MS4A7: variants seen among roughly 807,000 people sequenced by gnomAD.
MS4A7 encodes the protein membrane spanning 4-domains A7.
In MS4A7, 21 loss-of-function variants were observed where a neutral mutation model predicts 23.5. The observed-to-expected ratio is 0.89, with a 90% CI of 0.63 to 1.29. The LOEUF (loss-of-function observed/expected upper bound fraction) is 1.29, where lower values mean the gene tolerates loss of function less well. Ranked by LOEUF, MS4A7 falls within the 50% of genes most tolerant of loss-of-function variation. The pLI is 0.00. For missense variants in MS4A7, 263 were observed against 274.2 expected (o/e 0.96, Z 0.29); for synonymous variants, 111 against 107.4 (o/e 1.03, Z -0.21).
At chr11:60,388,206 A>G (rs1342232841) in intron 4 of MS4A7, among the ~76,000 whole-genome samples, 1 of 152,222 alleles carries the variant, frequency 6.6e-6, no homozygotes, top group African/African-American at 2.4e-5. Flanking sequence ...TGGAGCCCAC[A>G]TTGTTGTCAA....
chr11:60,390,894 G>A (rs1384637868), intron 5 of MS4A7, among the ~76,000 whole-genome samples: 1 of 152,146 alleles, frequency 6.6e-6, no homozygotes, highest in Admixed American at 6.5e-5. Flanking sequence ...GTTGGAAGAA[G>A]AAAGGAAGGG....
At chr11:60,391,471 T>G (rs1417266177) in intron 5 of MS4A7, among the ~76,000 whole-genome samples, 3 of 152,060 alleles carry the variant, frequency 2.0e-5, no homozygotes, top group African/African-American at 7.2e-5. Flanking sequence ...ATAACCAAAA[T>G]ATTATGAGAA....
At chr11:60,387,046 T>C (rs2085499326) in intron 4 of MS4A7, among the ~76,000 whole-genome samples, 1 of 152,208 alleles carries the variant, frequency 6.6e-6, no homozygotes, top group South Asian at 2.1e-4. Context: ...TTAAAAAGTG[T>C]ACATTTTTAA....
chr11:60,380,518 A>T (rs2085417393), intron 1 of MS4A7, among the ~76,000 whole-genome samples: 1 of 152,260 alleles, frequency 6.6e-6, no homozygotes, highest in South Asian at 2.1e-4. Flanking sequence ...GATAGGCTAT[A>T]GCCTGAAAGT....
chr11:60,383,214 G>C lies in MS4A7; in HGVS notation c.73G>C (p.Glu25Gln), dbSNP rs1288904694. ...AAAGGGCATCACTATCCCTCAAAGA[G>C]AGAAACCTGGACACATGTACCAAAA... ...TPKGITIPQR[E>Q]KPGHMYQNED... The change falls in exon 2 of 7, where the codon GAG (glutamate) becomes CAG (glutamine). Residue 25 changes from glutamate (E) to glutamine (Q), a missense_variant. Glu to Gln is a conservative substitution (Grantham distance 29). Transcript: ENST00000300184. 6.2e-6 allele frequency: 10 copies of C among 1,614,048 alleles called. No homozygotes were observed. Among genetic ancestry groups the C allele is most frequent in the South Asian group, 1.1e-5 (1 of 91,088 alleles).
chr11:60,393,801 G>C lies in MS4A7; in HGVS notation c.663G>C (p.Ser221=). ...YSNNPGSSFS[S]TQSQDHIQQV... Reference sequence around the variant, plus strand: ...GTATTTTCTAGAGTTCATTTTCCTCGACCCAGTCACAAGATCATATCCAAC... The same window carrying C: ...GTATTTTCTAGAGTTCATTTTCCTCCACCCAGTCACAAGATCATATCCAAC... Residue 221 remains serine (S), a synonymous_variant, in exon 7 of 7, where the codon TCG becomes TCC. Transcript: ENST00000300184. 1 of 1,608,998 alleles carries C rather than the reference G, an allele frequency of 6.2e-7. No individual in the cohort carries two copies. The highest frequency in any genetic ancestry group is 8.5e-7 in the Non-Finnish European group (1 of 1,178,118).
chr11:60,383,712 G>A (rs2085454472), intron 2 of MS4A7: 1 of 152,518 alleles, frequency 6.6e-6, no homozygotes, highest in Non-Finnish European at 1.5e-5. Flanking sequence ...GCTAATTTTT[G>A]TATTCTTAGT....
At chr11:60,386,109 A>G (rs1196030381) in intron 3 of MS4A7, among the ~76,000 whole-genome samples, 1 of 152,204 alleles carries the variant, frequency 6.6e-6, no homozygotes, top group Non-Finnish European at 1.5e-5. Flanking sequence ...TATCCAAGCC[A>G]CACACTTAAG....
At chr11:60,392,468 T>C (rs2085563527) in intron 5 of MS4A7, among the ~76,000 whole-genome samples, 1 of 152,214 alleles carries the variant, frequency 6.6e-6, no homozygotes, top group Admixed American at 6.5e-5. Flanking sequence ...CTCTCATCTA[T>C]CATTAGGTGG....
At chr11:60,390,835 C>T (rs1266339690) in intron 5 of MS4A7, among the ~76,000 whole-genome samples, 1 of 151,884 alleles carries the variant, frequency 6.6e-6, no homozygotes, top group African/African-American at 2.4e-5. Context: ...ACAGCAATTA[C>T]CTGAACAAAA....
chr11:60,384,244 TG>T (rs2085460879), intron 2 of MS4A7, among the ~76,000 whole-genome samples: 1 of 152,208 alleles, frequency 6.6e-6, no homozygotes, highest in Non-Finnish European at 1.5e-5. Context: ...ATTCCTTTTT[TG>T]CTCAAAATGA....
At chr11:60,390,146 T>A (rs1037328994) in intron 5 of MS4A7, among the ~76,000 whole-genome samples, 16 of 152,124 alleles carry the variant, frequency 1.1e-4, no homozygotes, top group African/African-American at 3.4e-4. Flanking sequence ...GAACCTTAAG[T>A]CCAAATACAT....
At chr11:60,390,585 G>A (rs940918711) in intron 5 of MS4A7, among the ~76,000 whole-genome samples, 2 of 152,166 alleles carry the variant, frequency 1.3e-5, no homozygotes, top group Non-Finnish European at 2.9e-5. Context: ...GAAGAGCACA[G>A]AGACCTGTCT....
intron 5 of MS4A7, among the ~76,000 whole-genome samples, chr11:60,391,411 C>T (rs921081329): frequency 2.0e-5 from 3 of 152,052 alleles, no homozygotes; most frequent in Non-Finnish European, 2.9e-5. Flanking sequence ...AAGATGCCTC[C>T]CTATCAAAGA....
At chr11:60,383,424 A>G (rs1363037827) in intron 2 of MS4A7, 136 bp downstream of exon 2, 7 of 969,368 alleles carry the variant, frequency 7.2e-6, no homozygotes, top group Non-Finnish European at 1.0e-5. Flanking sequence ...CATGAAATGG[A>G]GCTTTAAGGG....
chr11:60,383,931 C>A (rs921898326), intron 2 of MS4A7, among the ~76,000 whole-genome samples: 1 of 152,200 alleles, frequency 6.6e-6, no homozygotes, highest in African/African-American at 2.4e-5. Context: ...TAACTTTGAG[C>A]TTATTTTTCA....
At chr11:60,381,848 G>A (rs181552396) in intron 1 of MS4A7, among the ~76,000 whole-genome samples, 1 of 152,182 alleles carries the variant, frequency 6.6e-6, no homozygotes, top group East Asian at 1.9e-4. Flanking sequence ...CAAGACATAT[G>A]GTCAGATGTG....
At chr11:60,389,976 G>T in intron 5 of MS4A7, 2 of 242,578 alleles carry the variant, frequency 8.2e-6, no homozygotes, top group South Asian at 1.1e-4. Context: ...TTTTAATTTG[G>T]GATTCTTTTG....
intron 2 of MS4A7, among the ~76,000 whole-genome samples, chr11:60,384,623 G>A (rs2085464313): frequency 6.6e-6 from 1 of 152,174 alleles, no homozygotes; most frequent in Admixed American, 6.5e-5. Context: ...CTAAACTTCA[G>A]TTCTTCCACT....
Sources: allele counts gnomAD v4.1 joint callset (sites outside exome capture counted in the v4.1 genomes callset), GRCh38; gene constraint gnomAD v4.1.1; transcripts MANE v1.5; gene names NCBI Gene and HGNC (gene_info 2026-07-23, HGNC 2026-07-21).